The following TOX3 variants were observed in gnomAD, a reference collection of about 807,000 sequenced individuals.
TOX3 encodes TOX high mobility group box family member 3.
Under a neutral mutation model 64.3 loss-of-function variants are expected in TOX3, and 22 were observed. The observed-to-expected ratio is 0.34, with a 90% CI of 0.24 to 0.49. The LOEUF is 0.49. TOX3 is among the 20% of genes least tolerant of loss of function. The pLI is 0.99. For missense variants in TOX3, 661 were observed against 714.4 expected, an observed-to-expected ratio of 0.93 and a Z score of 0.85; for synonymous variants, 291 against 273.6, an observed-to-expected ratio of 1.06 and a Z score of -0.63.
Position 52,450,461 on chromosome 16 carries a change from C to T in TOX3, c.494G>A (p.Arg165His), listed in dbSNP as rs765140161. ...CTGGGCAGGAGGCATGACCCCAGAA[C>T]GCGCAGCATCGGTCATGTGGACGAT... ...RSIVHMTDAA[R>H]SGVMPPAQLT... Residue 165 changes from arginine to histidine, a missense_variant, in exon 4 of 7, where the codon CGT becomes CAT. Physicochemically the swap from Arg to His is conservative, Grantham distance 29. Transcript: ENST00000219746. 77 of 1,613,986 alleles carry T rather than the reference C, an allele frequency of 4.8e-5. No individual in the cohort carries two copies. Among genetic ancestry groups the T allele is most frequent in the Non-Finnish European group, 5.3e-5 (63 of 1,179,884 alleles).
In TOX3 at chr16:52,480,843, G is replaced by A. The variant is rs367709443; in HGVS notation, c.88-12269C>T. 2.2e-3 allele frequency among the ~76,000 whole-genome samples: 336 copies of A among 152,202 alleles called. 6 individuals are homozygous for A. In the South Asian group the frequency reaches 0.033, roughly 15 times the overall value. ...ACAGATGCAGATAAAGCCATAAACA[G>A]TTATAAACAGACAGGTATAAACATC... On this transcript the variant is annotated intron_variant, in intron 1 of 6. Transcript: ENST00000219746.
In TOX3 at chr16:52,437,648, G is replaced by C. The variant is rs1172819269; in HGVS notation, c.*1577C>G. ...GAGCAAGAAAAGGGGGGAATAAATG[G>C]GCACCGAAATAATTATTTTGGCTTA... On this transcript the variant is annotated 3_prime_UTR_variant, in exon 7 of 7. Transcript: ENST00000219746. Among the ~76,000 whole-genome samples the C allele has an allele frequency of 6.6e-6, 1 of 151,978 alleles. No individual in the cohort carries two copies. The highest frequency in any genetic ancestry group is 1.5e-5 in the Non-Finnish European group (1 of 67,996).
At chr16:52,442,057 A>G (rs8062936) in intron 6 of TOX3, among the ~76,000 whole-genome samples, 41,321 of 152,188 alleles carry the variant, frequency 0.27, 6,681 homozygotes, top group Non-Finnish European at 0.37. Flanking sequence ...GAAAGTCTGT[A>G]TTTCAACACC....
intron 1 of TOX3, among the ~76,000 whole-genome samples, chr16:52,536,522 C>A (rs1962947047): frequency 6.7e-6 from 1 of 149,914 alleles, no homozygotes; most frequent in Non-Finnish European, 1.5e-5. Context: ...GAAAAGTACA[C>A]AGGGATAGAT....
chr16:52,492,218 A>ATAT (rs1416449621), intron 1 of TOX3, among the ~76,000 whole-genome samples: 2 of 146,996 alleles, frequency 1.4e-5, no homozygotes. Flanking sequence ...ATATATATTT[A>ATAT]TATTATATAT....
At chr16:52,521,556 A>G (rs1962609863) in intron 1 of TOX3, among the ~76,000 whole-genome samples, 1 of 152,230 alleles carries the variant, frequency 6.6e-6, no homozygotes, top group South Asian at 2.1e-4. Flanking sequence ...GCCTTTGTGC[A>G]TGGCCATCTG....
intron 1 of TOX3, among the ~76,000 whole-genome samples, chr16:52,471,593 C>A (rs1267076894): frequency 1.3e-5 from 2 of 152,118 alleles, no homozygotes; most frequent in Non-Finnish European, 2.9e-5. Flanking sequence ...CTAACAATGT[C>A]TGGAATATTA....
intron 1 of TOX3, among the ~76,000 whole-genome samples, chr16:52,540,258 C>T (rs1422330778): frequency 2.0e-5 from 3 of 151,108 alleles, no homozygotes; most frequent in African/African-American, 4.9e-5. Context: ...AGCGAACACA[C>T]ACCTGTGGTC....
intron 1 of TOX3, among the ~76,000 whole-genome samples, chr16:52,509,019 T>C (rs1962232911): frequency 6.6e-6 from 1 of 152,210 alleles, no homozygotes. Context: ...TGCTTTATTA[T>C]TCATTTATTA....
intron 1 of TOX3, 131 bp from the exon 2 acceptor site, chr16:52,468,705 T>G (rs1960941390): frequency 3.0e-6 from 2 of 667,038 alleles, no homozygotes; most frequent in Non-Finnish European, 5.3e-6. Context: ...ATGACAAAGG[T>G]TTCAAGGCTA....
At chr16:52,479,558 CTT>C (rs1961311468) in intron 1 of TOX3, among the ~76,000 whole-genome samples, 1 of 152,172 alleles carries the variant, frequency 6.6e-6, no homozygotes, top group South Asian at 2.1e-4. Flanking sequence ...CTGGGCATCT[CTT>C]ATAAAATGAC....
chr16:52,506,033 T>C (rs558221158), intron 1 of TOX3, among the ~76,000 whole-genome samples: 6 of 152,302 alleles, frequency 3.9e-5, no homozygotes, highest in African/African-American at 1.2e-4. Flanking sequence ...TATCTGAAAA[T>C]TCAATGATGA....
intron 3 of TOX3, 49 bp downstream of exon 3, chr16:52,463,885 A>G: frequency 6.8e-7 from 1 of 1,479,072 alleles, no homozygotes; most frequent in Non-Finnish European, 9.0e-7. Context: ...CTTTACTATG[A>G]TTTGTGCAAA....
chr16:52,497,498 C>T (rs747856326), intron 1 of TOX3, among the ~76,000 whole-genome samples: 1 of 152,208 alleles, frequency 6.6e-6, no homozygotes, highest in Non-Finnish European at 1.5e-5. Flanking sequence ...CTCTCTGCTA[C>T]TGCCAGAAAG....
chr16:52,525,965 T>C (rs866550361), intron 1 of TOX3, among the ~76,000 whole-genome samples: 2 of 152,220 alleles, frequency 1.3e-5, no homozygotes, highest in Admixed American at 6.5e-5. Flanking sequence ...TCTTCCAGAA[T>C]TGGCTGTTCA....
rs149558706 is a variant in TOX3 at position 52,480,370 on chromosome 16, C to T, written c.88-11796G>A. Among the ~76,000 whole-genome samples, 497 of 152,284 alleles carry T rather than the reference C, an allele frequency of 3.3e-3. 3 individuals are homozygous for T. Among genetic ancestry groups the T allele is most frequent in the African/African-American group, 0.011 (470 of 41,556 alleles). On this transcript the variant is annotated intron_variant, in intron 1 of 6. Coordinates refer to ENST00000219746, the MANE Select transcript of TOX3 (RefSeq NM_001080430.4). Reference sequence around the variant, plus strand: ...AATCTGAGTTATTTTCCTTGTACTGCCAGACTTCGTAGTTCTTGCTGCAAT... The same window carrying T: ...AATCTGAGTTATTTTCCTTGTACTGTCAGACTTCGTAGTTCTTGCTGCAAT...
chr16:52,528,244 G>C (rs535250569), intron 1 of TOX3, among the ~76,000 whole-genome samples: 1 of 152,262 alleles, frequency 6.6e-6, no homozygotes, highest in East Asian at 1.9e-4. Context: ...TTAATGAAAT[G>C]CTTGGTATAC....
chr16:52,515,415 T>C (rs975218900), intron 1 of TOX3, among the ~76,000 whole-genome samples: 2 of 152,214 alleles, frequency 1.3e-5, no homozygotes, highest in Non-Finnish European at 2.9e-5. Context: ...ATTCCATGTC[T>C]TATTTTCTGA....
Position 52,514,873 on chromosome 16 carries a change from T to C in TOX3, c.87+31764A>G, listed in dbSNP as rs191018728. 1.0e-3 allele frequency among the ~76,000 whole-genome samples: 158 copies of C among 151,834 alleles called. 2 individuals are homozygous for C. The East Asian group carries it at 0.015, about 14-fold the overall frequency. On this transcript the variant is annotated intron_variant, in intron 1 of 6. Transcript: ENST00000219746. ...ACCAATATAAAAAATCAGCCGGGCATGGTGGCAGGCACCTGTAGTCCCAGC... is the reference window on the plus strand; with the variant it reads ...ACCAATATAAAAAATCAGCCGGGCACGGTGGCAGGCACCTGTAGTCCCAGC...
Sources: allele counts gnomAD v4.1 joint callset (sites outside exome capture counted in the v4.1 genomes callset), GRCh38; gene constraint gnomAD v4.1.1; transcripts MANE v1.5; gene names NCBI Gene and HGNC (gene_info 2026-07-23, HGNC 2026-07-21).